Variants in ENY2 observed in about 807,000 individuals in gnomAD.
The protein encoded by ENY2 is ENY2 transcription and export complex 2 subunit, also known as transcription and mRNA export factor ENY2.
ENY2 carries 4 observed loss-of-function variants against 15.9 expected under a neutral mutation model. The ratio of observed to expected loss-of-function variants is 0.25; its 90% CI spans 0.12 to 0.57. The LOEUF is 0.57. Ranked by LOEUF, ENY2 falls within the 20% of genes least tolerant of loss-of-function variation. The pLI is 0.91. For synonymous variants in ENY2, 48 were observed against 38.0 expected, an observed-to-expected ratio of 1.26 and a Z score of -0.97; for missense variants, 54 against 117.2, an observed-to-expected ratio of 0.46 and a Z score of 2.49.
chr8:109,336,419 C>T (rs1815987010), intron 2 of ENY2: 4 of 488,096 alleles, frequency 8.2e-6, no homozygotes, highest in South Asian at 2.8e-5. Context: ...CAAGATATGG[C>T]TCTTAAAGAG....
chr8:109,339,221 A>G, intron 2 of ENY2, 99 bp from the exon 3 acceptor site: 2 of 1,055,236 alleles, frequency 1.9e-6, no homozygotes, highest in Non-Finnish European at 2.9e-6. Flanking sequence ...TGTAACTGGA[A>G]GGCAGGGAAT....
chr8:109,345,304 G>A lies in ENY2; in HGVS notation c.*1823G>A, dbSNP rs1324151549. ...TGCTTATTTGTGGATGAATGGGCAA[G>A]GGAAAAAATGAAGGAACAAGTGAAT... On this transcript the variant is annotated 3_prime_UTR_variant, in exon 5 of 5. Transcript: ENST00000521688. The A allele has an allele frequency of 6.6e-6, 1 of 152,098 alleles. No individual in the cohort carries two copies. The highest frequency in any genetic ancestry group is 1.5e-5 in the Non-Finnish European group (1 of 68,006). The allele number at this position is 152,098 out of a possible 1,614,324, so 9.4% of individuals were successfully genotyped here.
In ENY2 at chr8:109,342,852, T is replaced by A. The variant is rs546493962; in HGVS notation, c.230-553T>A. The stretch of plus-strand genomic sequence containing the variant: ...GTATTTTTGCCTATGATTGGTAAAA[T>A]ATGCTATGTAAATGTGGTTTTAATT... On this transcript the variant is annotated intron_variant, in intron 4 of 4. Transcript: ENST00000521688. 3 of 562,214 alleles carry A rather than the reference T, an allele frequency of 5.3e-6. No individual in the cohort carries two copies. The South Asian group carries it at 6.2e-5, about 12-fold the overall frequency. 34.8% of individuals were successfully genotyped at this position (562,214 alleles called of 1,614,324 possible).
intron 2 of ENY2, chr8:109,339,103 C>G: frequency 1.8e-6 from 1 of 556,040 alleles, no homozygotes; most frequent in East Asian, 2.9e-5. Flanking sequence ...TTTAATTTCA[C>G]TCATTAAATG....
intron 3 of ENY2, 128 bp downstream of exon 3, chr8:109,339,518 T>A: frequency 1.3e-6 from 1 of 763,018 alleles, no homozygotes; most frequent in Non-Finnish European, 2.1e-6. Context: ...TTTAATCTTG[T>A]AATGGTTTCC....
In ENY2 at chr8:109,344,579, G is replaced by T. The variant is rs981706862; in HGVS notation, c.*1098G>T. The T allele has an allele frequency of 2.0e-5, 3 of 151,924 alleles. No individual in the cohort carries two copies. Among genetic ancestry groups the T allele is most frequent in the African/African-American group, 7.3e-5 (3 of 41,312 alleles). 9.4% of individuals were successfully genotyped at this position (151,924 alleles called of 1,614,324 possible). A position where few individuals can be genotyped will look rare whatever the true frequency, so the allele number is the denominator to read the frequency against. On this transcript the variant is annotated 3_prime_UTR_variant, in exon 5 of 5. Transcript: ENST00000521688. The stretch of plus-strand genomic sequence containing the variant: ...ATAATGACTTTTTCCCCCAATAATT[G>T]CCCCTGCTATATTCCTTATTTCTGA...
intron 4 of ENY2, among the ~76,000 whole-genome samples, chr8:109,342,164 C>CTTTTTTTTTTTTTTTTTTTTTTT: frequency 7.6e-6 from 1 of 130,964 alleles, no homozygotes; most frequent in Non-Finnish European, 1.7e-5. Flanking sequence ...TAACCCCCCC[C>CTTTTTTTTTTTTTTTTTTTTTTT]TTTTTTTTTT....
chr8:109,336,985 G>A (rs1369760413), intron 2 of ENY2, among the ~76,000 whole-genome samples: 1 of 151,612 alleles, frequency 6.6e-6, no homozygotes, highest in East Asian at 1.9e-4. Context: ...ACTCAACCCG[G>A]GCATTCAGGT....
At chr8:109,337,307 G>C (rs747057235) in intron 2 of ENY2, among the ~76,000 whole-genome samples, 7 of 151,828 alleles carry the variant, frequency 4.6e-5, no homozygotes, top group Non-Finnish European at 1.0e-4. Context: ...ACTGCCTTGG[G>C]TAGCTTTAGA....
intron 2 of ENY2, chr8:109,338,503 A>T (rs1816041908): frequency 6.6e-6 from 1 of 152,218 alleles, no homozygotes; most frequent in Non-Finnish European, 1.5e-5. Flanking sequence ...AAATATTAAG[A>T]TGAGAATGTC....
rs1378793038 is a variant in ENY2, at chr8:109,334,488, G to A, written c.6+14G>A. On this transcript the variant is annotated intron_variant, in intron 1 of 4. Transcript: ENST00000521688. ...GCGGTGATGGTGGTGAGCTATGCCC[G>A]TGGTCCTCAGGGCCGGGACCCGGGC... The A allele has an allele frequency of 6.2e-7, 1 of 1,612,862 alleles. No individual in the cohort carries two copies. Among genetic ancestry groups the A allele is most frequent in the South Asian group, 1.1e-5 (1 of 90,914 alleles).
chr8:109,336,019 C>T, intron 1 of ENY2, 109 bp from the exon 2 acceptor site: 1 of 906,470 alleles, frequency 1.1e-6, no homozygotes, highest in South Asian at 1.6e-5. Flanking sequence ...TGAAATGTAT[C>T]ACCCCTTCAG....
At chr8:109,343,281 A>G (rs1264089043) in intron 4 of ENY2, 124 bp from the exon 5 acceptor site, 10 of 656,986 alleles carry the variant, frequency 1.5e-5, no homozygotes, top group South Asian at 2.9e-5. Context: ...CCTTTTTTTT[A>G]ATTGAACATG....
intron 4 of ENY2, among the ~76,000 whole-genome samples, chr8:109,342,466 T>C (rs2130200804): frequency 6.7e-6 from 1 of 150,058 alleles, no homozygotes; most frequent in African/African-American, 2.4e-5. Context: ...ATATAGTTTA[T>C]GTATGTATAT....
intron 4 of ENY2, among the ~76,000 whole-genome samples, chr8:109,341,359 A>G (rs966981959): frequency 8.5e-5 from 13 of 152,160 alleles, no homozygotes; most frequent in Admixed American, 8.5e-4. Flanking sequence ...CCTGCTGGGA[A>G]TAAGCTATAG....
At chr8:109,340,439 T>C (rs1197397888) in intron 3 of ENY2, 50 bp from the exon 4 acceptor site, 1 of 1,603,814 alleles carries the variant, frequency 6.2e-7, no homozygotes. Context: ...AAATCTTTCT[T>C]ACAGATAATG....
intron 4 of ENY2, chr8:109,342,706 G>A: frequency 2.9e-6 from 2 of 698,070 alleles, no homozygotes; most frequent in Admixed American, 2.0e-5. Context: ...GTTTCGCCAT[G>A]TTGCCCAGGC....
At chr8:109,341,157 G>GAGCT (rs1018839556) in intron 4 of ENY2, among the ~76,000 whole-genome samples, 5 of 152,190 alleles carry the variant, frequency 3.3e-5, no homozygotes, top group Admixed American at 3.3e-4. Flanking sequence ...ATGTTGTCAG[G>GAGCT]AGCTACATCA....
intron 2 of ENY2, 135 bp downstream of exon 2, chr8:109,336,339 C>G: frequency 1.3e-6 from 1 of 792,356 alleles, no homozygotes. Flanking sequence ...TTCCGAACAT[C>G]TGGAAAAAAT....
Sources: allele counts gnomAD v4.1 joint callset (sites outside exome capture counted in the v4.1 genomes callset), GRCh38; gene constraint gnomAD v4.1.1; transcripts MANE v1.5; gene names NCBI Gene and HGNC (gene_info 2026-07-23, HGNC 2026-07-21).